The following SRGAP3 variants were observed in gnomAD, a reference collection of about 807,000 sequenced individuals.
SRGAP3 encodes SLIT-ROBO Rho GTPase-activating protein 3.
A neutral mutation model predicts 121.1 loss-of-function variants in SRGAP3; 39 were observed. The ratio of observed to expected loss-of-function variants is 0.32; its 90% CI spans 0.25 to 0.42. SRGAP3 has a LOEUF of 0.42. Among genes scored for constraint, SRGAP3 ranks in the 10% least tolerant of loss-of-function variants. The probability of loss-of-function intolerance (pLI) is 1.00; values close to 1 mark genes in which losing one functional copy is unlikely to be tolerated. For missense variants in SRGAP3, 1,213 were observed against 1,470.6 expected (o/e 0.82, Z 2.86); for synonymous variants, 601 against 570.0 (o/e 1.05, Z -0.77).
In SRGAP3 at chr3:9,048,974, G is replaced by T. The variant is rs562990336; in HGVS notation, c.1324-1499C>A. On this transcript the variant is annotated intron_variant, in intron 9 of 21. Transcript: ENST00000383836. ...CGGGAAGGAGGTTTACAAGCAAGGG[G>T]TACAGTAATTGCAACAGCCCTGAGA... 7.2e-5 allele frequency among the ~76,000 whole-genome samples: 11 copies of T among 152,270 alleles called. 1 individual carries two copies. In the South Asian group the frequency reaches 1.7e-3, roughly 23 times the overall value.
At chr3:8,992,527 T>C (rs185867994) in intron 20 of SRGAP3, 234 of 394,284 alleles carry the variant, frequency 5.9e-4, no homozygotes, top group African/African-American at 4.4e-3. Context: ...TCAGGGAATA[T>C]GTGAGCTTTA....
intron 7 of SRGAP3, 62 bp downstream of exon 7, chr3:9,058,189 C>T (rs1179974878): frequency 2.6e-6 from 4 of 1,556,966 alleles, no homozygotes; most frequent in South Asian, 2.2e-5. Flanking sequence ...GGATGATGTA[C>T]TGGAGCACAT....
intron 1 of SRGAP3, among the ~76,000 whole-genome samples, chr3:9,355,332 A>T (rs1358924905): frequency 6.6e-6 from 1 of 152,090 alleles, no homozygotes; most frequent in Non-Finnish European, 1.5e-5. Context: ...CTGCTCCCTA[A>T]CATTGTCCAG....
intron 3 of SRGAP3, among the ~76,000 whole-genome samples, chr3:9,101,661 A>C (rs1948220834): frequency 6.6e-6 from 1 of 152,232 alleles, no homozygotes; most frequent in South Asian, 2.1e-4. Flanking sequence ...GCAGAAAGAC[A>C]GAGTTCTAGT....
At chr3:9,226,431 C>T (rs1170777706) in intron 1 of SRGAP3, among the ~76,000 whole-genome samples, 1 of 152,194 alleles carries the variant, frequency 6.6e-6, no homozygotes, top group Non-Finnish European at 1.5e-5. Context: ...ATCACCCAGC[C>T]TCGAGCACCT....
At chr3:9,026,631 T>C (rs1034888548) in intron 13 of SRGAP3, among the ~76,000 whole-genome samples, 22 of 152,224 alleles carry the variant, frequency 1.4e-4, no homozygotes, top group African/African-American at 5.1e-4. Context: ...TATTAGCTGA[T>C]TTACTGGCAA....
chr3:9,305,758 C>T (rs994997837), intron 3 of SRGAP3, among the ~76,000 whole-genome samples: 4 of 152,172 alleles, frequency 2.6e-5, no homozygotes, highest in African/African-American at 9.7e-5. Context: ...TTTAGGGCTG[C>T]ATAGTATTCC....
Position 8,980,661 on chromosome 3 carries a change from C to T in SRGAP3, c.*4858G>A, listed in dbSNP as rs545615614. 5 of 231,234 alleles carry T rather than the reference C, an allele frequency of 2.2e-5. No homozygotes were observed. In the South Asian group the frequency reaches 5.5e-4, roughly 25 times the overall value. The allele number at this position is 231,234 out of a possible 1,614,324, so 14.3% of individuals were successfully genotyped here. A position where few individuals can be genotyped will look rare whatever the true frequency, so the allele number is the denominator to read the frequency against. ...CAAACCAGCAGGCACCATCAGAATA[C>T]GCGACAGAGGATCCAATCAGACACT... On this transcript the variant is annotated 3_prime_UTR_variant, in exon 22 of 22. Transcript: ENST00000383836.
intron 10 of SRGAP3, among the ~76,000 whole-genome samples, chr3:9,045,921 G>A (rs774768363): frequency 1.3e-5 from 2 of 151,888 alleles, no homozygotes; most frequent in Non-Finnish European, 2.9e-5. Context: ...CTGCCCCCAT[G>A]GCACCCACAC....
Position 9,135,175 on chromosome 3 carries a change from C to T in SRGAP3, c.68-10258G>A, listed in dbSNP as rs532938814. ...CATCCTGGACAGTGCAGAATATTTC[C>T]ATCATTGCAGAAACTTCCATTGGAC... On this transcript the variant is annotated intron_variant, in intron 1 of 21. Coordinates refer to ENST00000383836, the MANE Select transcript of SRGAP3 (RefSeq NM_014850.4). 5.3e-4 allele frequency among the ~76,000 whole-genome samples: 80 copies of T among 152,288 alleles called. 1 individual carries two copies. The highest frequency in any genetic ancestry group is 4.6e-3 in the South Asian group (22 of 4,816).
chr3:8,990,677 C>G lies in SRGAP3; in HGVS notation c.2721G>C (p.Glu907Asp), dbSNP rs529300193. Residue 907 changes from glutamate to aspartate, a missense_variant, in exon 21 of 22, where the codon GAG (glutamate) becomes GAC (aspartate). Coordinates refer to ENST00000383836, the MANE Select transcript of SRGAP3 (RefSeq NM_014850.4). ...TCGCCATCCTCCGCTTCTCAGGGCTCTCGATCCTCCCCCGGGTGAGGGGGA... is the reference window on the plus strand; with the variant it reads ...TCGCCATCCTCCGCTTCTCAGGGCTGTCGATCCTCCCCCGGGTGAGGGGGA... ...HKIPLTRGRI[E>D]SPEKRRMATF... 1 of 1,613,616 alleles carries G rather than the reference C, an allele frequency of 6.2e-7. No homozygotes were observed. Among genetic ancestry groups the G allele is most frequent in the Non-Finnish European group, 8.5e-7 (1 of 1,179,948 alleles).
intron 1 of SRGAP3, among the ~76,000 whole-genome samples, chr3:9,362,162 CTTTTTTTTTTTTTT>C (rs36036357): frequency 2.2e-5 from 2 of 90,930 alleles, no homozygotes; most frequent in Non-Finnish European, 4.2e-5. Flanking sequence ...AGGTTCAACT[CTTTTTTTTTTTTTT>C]TTTTTTTTTT....
intron 3 of SRGAP3, among the ~76,000 whole-genome samples, chr3:9,091,504 G>C (rs754648840): frequency 6.6e-6 from 1 of 152,070 alleles, no homozygotes; most frequent in Non-Finnish European, 1.5e-5. Context: ...GAGACCCACA[G>C]ATGTTCCCTA....
intron 10 of SRGAP3, among the ~76,000 whole-genome samples, chr3:9,045,191 TAA>T (rs566506713): frequency 2.0e-4 from 28 of 138,962 alleles, no homozygotes; most frequent in Non-Finnish European, 3.3e-4. Flanking sequence ...AAGTTTACTT[TAA>T]AAAAAAAAAA....
chr3:9,119,969 T>C (rs1026899084), intron 2 of SRGAP3, among the ~76,000 whole-genome samples: 7 of 152,214 alleles, frequency 4.6e-5, no homozygotes, highest in Non-Finnish European at 8.8e-5. Context: ...AAATCTTTGA[T>C]CCATTAAATC....
chr3:9,013,244 T>G, intron 17 of SRGAP3, 64 bp downstream of exon 17: 1 of 1,505,262 alleles, frequency 6.6e-7, no homozygotes, highest in Non-Finnish European at 9.2e-7. Flanking sequence ...GGGTTTCTTA[T>G]TGTTCCTATT....
chr3:9,159,888 CAGA>C (rs1950551346), intron 1 of SRGAP3, among the ~76,000 whole-genome samples: 1 of 152,158 alleles, frequency 6.6e-6, no homozygotes, highest in Non-Finnish European at 1.5e-5. Context: ...ATATGGAAAG[CAGA>C]AGATGGAAGA....
intron 14 of SRGAP3, among the ~76,000 whole-genome samples, chr3:9,023,548 A>T (rs929919839): frequency 6.6e-6 from 1 of 151,188 alleles, no homozygotes; most frequent in African/African-American, 2.4e-5. Context: ...GTTCCTCCCC[A>T]CTCCATCCAG....
At chr3:9,052,172 C>A (rs1945610160) in intron 9 of SRGAP3, among the ~76,000 whole-genome samples, 1 of 152,136 alleles carries the variant, frequency 6.6e-6, no homozygotes, top group South Asian at 2.1e-4. Flanking sequence ...ATACATTTAG[C>A]CTAGAGAAAT....
Sources: gnomAD v4.1 joint callset for allele counts (sites outside exome capture counted in the v4.1 genomes callset) on GRCh38, gnomAD v4.1.1 for gene constraint, MANE v1.5 for transcripts, NCBI Gene and HGNC (gene_info 2026-07-23, HGNC 2026-07-21) for gene names.